The following MAST4 variants were observed in gnomAD, a reference collection of about 807,000 sequenced individuals.
MAST4 encodes microtubule-associated serine/threonine-protein kinase 4.
In MAST4, 89 loss-of-function variants were observed where a neutral mutation model predicts 162.7. The observed-to-expected ratio is 0.55, with a 90% confidence interval of 0.46 to 0.65. The LOEUF (loss-of-function observed/expected upper bound fraction) is 0.65. Among genes scored for constraint, MAST4 ranks in the 30% least tolerant of loss-of-function variants. MAST4 has a pLI of 0.00. For missense variants in MAST4, 3,153 were observed against 3,374.0 expected (o/e 0.93, Z 1.62); for synonymous variants, 1,479 against 1,361.1 (o/e 1.09, Z -1.91).
At chr5:67,119,639 G>T (rs552799005) in intron 13 of MAST4, among the ~76,000 whole-genome samples, 12 of 152,272 alleles carry the variant, frequency 7.9e-5, no homozygotes, top group Non-Finnish European at 1.3e-4. Flanking sequence ...CTAAATAAAT[G>T]ATAGCTGTTT....
chr5:66,878,604 C>T (rs1404454644), intron 3 of MAST4, among the ~76,000 whole-genome samples: 1 of 152,196 alleles, frequency 6.6e-6, no homozygotes, highest in Non-Finnish European at 1.5e-5. Context: ...ATGGACTGTG[C>T]TGGGCAATGC....
rs775940872 is a variant in MAST4, at chr5:67,163,550, C to T, written c.4371C>T (p.Asp1457=). 39 of 1,597,954 alleles carry T rather than the reference C, an allele frequency of 2.4e-5. 2 individuals carry two copies. The South Asian group carries it at 4.4e-4, about 18-fold the overall frequency. Residue 1457 remains aspartate (D), a synonymous_variant, in exon 29 of 29, where the codon GAC becomes GAT. Transcript: ENST00000403625. This position sits in a 1 kb window ranked among gnomAD's most constrained non-coding sequence, Gnocchi z 7.0. ...EEKLSPSYGS[D]KKHLCSRKHS... is the part of the protein sequence containing the mutation. ...AGCTGTCGCCCTCTTACGGCAGTGA[C>T]AAGAAGCACCTGTGCTCCCGCAAGC...
rs927584409 is a variant in MAST4 at position 66,596,459 on chromosome 5, C to A, written c.-197C>A. On this transcript the variant is annotated 5_prime_UTR_variant, in exon 1 of 29. Transcript: ENST00000403625. ...GCGCGCGGGAGCCTCCGTTTGCGGC[C>A]GGGCCCGGGCGGCTGTGAACTTAGC... The A allele has an allele frequency of 2.2e-5, 13 of 597,852 alleles. No individual in the cohort carries two copies. The African/African-American group carries it at 2.5e-4, about 11-fold the overall frequency. 37.0% of individuals were successfully genotyped at this position (597,852 alleles called of 1,614,324 possible). A position where few individuals can be genotyped will look rare whatever the true frequency, so the allele number is the denominator to read the frequency against.
At chr5:66,970,576 C>A (rs144214991) in intron 4 of MAST4, among the ~76,000 whole-genome samples, 1 of 152,232 alleles carries the variant, frequency 6.6e-6, no homozygotes, top group East Asian at 1.9e-4. Flanking sequence ...CATTCCAGGG[C>A]CATGTTGTTT....
chr5:67,099,731 T>G (rs1764822430), intron 7 of MAST4, among the ~76,000 whole-genome samples: 1 of 152,124 alleles, frequency 6.6e-6, no homozygotes, highest in Non-Finnish European at 1.5e-5. Flanking sequence ...TTTCCTGTCT[T>G]TCCTTGTTCC....
chr5:66,669,861 A>C (rs1174018397), intron 1 of MAST4, among the ~76,000 whole-genome samples: 1 of 152,188 alleles, frequency 6.6e-6, no homozygotes, highest in Non-Finnish European at 1.5e-5. Flanking sequence ...CATTTGAGGT[A>C]AGCCTTGAAT....
chr5:67,052,584 AGTTTT>A (rs1414259812), intron 4 of MAST4, among the ~76,000 whole-genome samples: 2 of 152,060 alleles, frequency 1.3e-5, no homozygotes, highest in South Asian at 2.1e-4. Context: ...TTCTAAATTT[AGTTTT>A]AAGTATATCA....
rs1753954340 is a variant in MAST4, at chr5:67,021,342, TGC to T, written c.675-33061_675-33060del. Among the ~76,000 whole-genome samples, 3 of 152,340 alleles carry T rather than the reference TGC, an allele frequency of 2.0e-5. No individual in the cohort carries two copies. In the South Asian group the frequency reaches 6.2e-4, roughly 32 times the overall value. On this transcript the variant is annotated intron_variant, in intron 4 of 28. Coordinates refer to ENST00000403625, the MANE Select transcript of MAST4 (RefSeq NM_001164664.2). Reference sequence around the variant, plus strand: ...TCTTATCCAAGTGTAAATACAGGCATGCTATATAGATTGCAACGTATCCCAAT... The same window carrying T: ...TCTTATCCAAGTGTAAATACAGGCATTATATAGATTGCAACGTATCCCAAT...
In MAST4 at chr5:67,167,047, T is replaced by C. The variant is rs1461661320; in HGVS notation, c.7868T>C (p.Leu2623Ser). 1 of 1,578,154 alleles carries C rather than the reference T, an allele frequency of 6.3e-7. No individual in the cohort carries two copies. The highest frequency in any genetic ancestry group is 8.6e-7 in the Non-Finnish European group (1 of 1,161,822). ...CGTAGCAGCCCTCACAAAAAGGCCT[T>C]GTAACGGGGAGGGCCCAGGGGCAGG... ...SLRSSPHKKA[L>S] The change falls in exon 29 of 29, where the codon TTG becomes TCG. Residue 2623 changes from leucine (L) to serine (S), a missense_variant. Leu to Ser is a moderately radical substitution (Grantham distance 145). Transcript: ENST00000403625.
chr5:66,832,024 G>A (rs1054330266), intron 3 of MAST4, among the ~76,000 whole-genome samples: 3 of 152,098 alleles, frequency 2.0e-5, no homozygotes, highest in Admixed American at 2.0e-4. Flanking sequence ...TTTAATGAAA[G>A]TATCCCTATC....
intron 1 of MAST4, among the ~76,000 whole-genome samples, chr5:66,659,845 G>A (rs1746790265): frequency 6.6e-6 from 1 of 152,210 alleles, no homozygotes; most frequent in Non-Finnish European, 1.5e-5. Flanking sequence ...TCACAAAGAG[G>A]ACAAGACATT....
At chr5:67,136,249 G>A (rs1305324952) in intron 18 of MAST4, among the ~76,000 whole-genome samples, 1 of 152,152 alleles carries the variant, frequency 6.6e-6, no homozygotes, top group Non-Finnish European at 1.5e-5. Flanking sequence ...AACTAGAGAG[G>A]CAACTTTTTG....
intron 4 of MAST4, among the ~76,000 whole-genome samples, chr5:66,938,829 T>G (rs1175022102): frequency 6.6e-6 from 1 of 152,138 alleles, no homozygotes; most frequent in East Asian, 1.9e-4. Flanking sequence ...CCACAACACA[T>G]AAACAGATAC....
intron 3 of MAST4, among the ~76,000 whole-genome samples, chr5:66,885,760 A>G (rs1029953088): frequency 3.3e-5 from 5 of 152,226 alleles, no homozygotes; most frequent in Admixed American, 1.3e-4. Context: ...TAAATTTATT[A>G]CTAGTTTTCA....
intron 4 of MAST4, among the ~76,000 whole-genome samples, chr5:67,048,574 A>G (rs1444466290): frequency 6.6e-6 from 1 of 152,210 alleles, no homozygotes. Flanking sequence ...AGGAATTATG[A>G]AACAAATTTG....
intron 3 of MAST4, among the ~76,000 whole-genome samples, chr5:66,815,131 C>A (rs552372645): frequency 6.6e-6 from 1 of 152,156 alleles, no homozygotes; most frequent in Non-Finnish European, 1.5e-5. Context: ...TTATTGCATG[C>A]ACAACTAAAC....
chr5:66,896,083 T>A (rs57521899), intron 3 of MAST4, among the ~76,000 whole-genome samples: 2,858 of 152,288 alleles, frequency 0.019, 78 homozygotes, highest in South Asian at 0.083. Flanking sequence ...AGATTTTTCA[T>A]TTATTCAGGA....
At chr5:66,598,501 C>T (rs1212954032) in intron 1 of MAST4, among the ~76,000 whole-genome samples, 2 of 152,186 alleles carry the variant, frequency 1.3e-5, no homozygotes, top group Non-Finnish European at 2.9e-5. Flanking sequence ...CTGAGTTCCT[C>T]ACCCACCGCA....
At chr5:67,096,978 A>G (rs1405928898) in intron 7 of MAST4, among the ~76,000 whole-genome samples, 1 of 152,148 alleles carries the variant, frequency 6.6e-6, no homozygotes, top group African/African-American at 2.4e-5. Context: ...CTTGATTCTT[A>G]TGGCAGTCAC....
Sources: gnomAD v4.1 joint callset for allele counts (sites outside exome capture counted in the v4.1 genomes callset) on GRCh38, gnomAD v4.1.1 for gene constraint, Gnocchi (gnomAD v3.1) non-coding constraint, MANE v1.5 for transcripts, NCBI Gene and HGNC (gene_info 2026-07-23, HGNC 2026-07-21) for gene names.